CD2AP: variants seen among roughly 807,000 people sequenced by gnomAD.
The protein encoded by CD2AP is CD2 associated protein.
A neutral mutation model predicts 85.1 loss-of-function variants in CD2AP; 46 were observed. The ratio of observed to expected loss-of-function variants is 0.54; its 90% CI spans 0.43 to 0.69. The LOEUF is 0.69. Ranked by LOEUF, CD2AP falls within the 30% of genes least tolerant of loss-of-function variation. The pLI is 0.00. For missense variants in CD2AP, 769 were observed against 729.5 expected (o/e 1.05, Z -0.62); for synonymous variants, 255 against 252.9 (o/e 1.01, Z -0.08).
chr6:47,577,215 G>A, intron 8 of CD2AP, 112 bp downstream of exon 8: 1 of 677,418 alleles, frequency 1.5e-6, no homozygotes, highest in Non-Finnish European at 2.7e-6. Flanking sequence ...ATCTAGAAGA[G>A]CTGGGACTTT....
In CD2AP at chr6:47,488,448, ATAT is replaced by A. The variant is rs1165933656; in HGVS notation, c.4+10202_4+10204del. Among the ~76,000 whole-genome samples, 7 of 152,234 alleles carry A rather than the reference ATAT, an allele frequency of 4.6e-5. No homozygotes were observed. The East Asian group carries it at 9.6e-4, about 21-fold the overall frequency. ...GGAACATGTGAAATTAATTTTAATAATATTTTGAATGTATGTTGGTTTAAAGAA... is the reference window on the plus strand; with the variant it reads ...GGAACATGTGAAATTAATTTTAATAATTTGAATGTATGTTGGTTTAAAGAA... On this transcript the variant is annotated intron_variant, in intron 1 of 17. Coordinates refer to ENST00000359314, the MANE Select transcript of CD2AP (RefSeq NM_012120.3).
At chr6:47,524,895 A>G (rs373347653) in intron 2 of CD2AP, among the ~76,000 whole-genome samples, 26 of 152,288 alleles carry the variant, frequency 1.7e-4, no homozygotes, top group African/African-American at 4.6e-4. Flanking sequence ...ATTTTGATCT[A>G]TTGACACTTA....
Position 47,477,925 on chromosome 6 carries a change from C to A in CD2AP, c.-320C>A. The A allele has an allele frequency of 2.0e-6, 1 of 488,200 alleles. No homozygotes were observed. The highest frequency in any genetic ancestry group is 3.7e-6 in the Non-Finnish European group (1 of 273,148). The allele number at this position is 488,200 out of a possible 1,614,324, so 30.2% of individuals were successfully genotyped here. A position where few individuals can be genotyped will look rare whatever the true frequency, so the allele number is the denominator to read the frequency against. ...GAGGGTCTGGGCAAACCGGTGGGTC[C>A]CTCCCCACTGCGGGAGCGGCCAGGG... is the stretch of plus-strand genomic sequence containing the variant. On this transcript the variant is annotated 5_prime_UTR_variant, in exon 1 of 18. Transcript: ENST00000359314.
rs1769800733 is a variant in CD2AP at position 47,622,966 on chromosome 6, T to C, written c.1879-1220T>C. 2.0e-5 allele frequency among the ~76,000 whole-genome samples: 3 copies of C among 152,334 alleles called. No homozygotes were observed. In the South Asian group the frequency reaches 6.2e-4, roughly 32 times the overall value. On this transcript the variant is annotated intron_variant, in intron 17 of 17. Transcript: ENST00000359314. Reference sequence around the variant, plus strand: ...TAGCCTTCACACTCCCTACTCCCTCTTCTACCAATTTGTTTTTCTTACCGC... The same window carrying C: ...TAGCCTTCACACTCCCTACTCCCTCCTCTACCAATTTGTTTTTCTTACCGC...
In CD2AP at chr6:47,566,621, C is replaced by G. The variant is rs115035789; in HGVS notation, c.542-7443C>G. 4.1e-3 allele frequency among the ~76,000 whole-genome samples: 617 copies of G among 152,120 alleles called. 2 individuals are homozygous for G. The highest frequency in any genetic ancestry group is 0.014 in the African/African-American group (563 of 41,494). ...CCTCTCAATTCTCCCTTCCCCCGCT[C>G]CTCACCCCTCAACAGGTCCTGGTGT... On this transcript the variant is annotated intron_variant, in intron 5 of 17. Transcript: ENST00000359314.
chr6:47,568,655 A>G (rs996001301), intron 5 of CD2AP, among the ~76,000 whole-genome samples: 10 of 152,262 alleles, frequency 6.6e-5, no homozygotes, highest in Admixed American at 3.3e-4. Context: ...GAGGCAGGAG[A>G]TTCGCTTGAA....
intron 4 of CD2AP, among the ~76,000 whole-genome samples, chr6:47,546,137 A>G (rs900094868): frequency 1.3e-5 from 2 of 152,196 alleles, no homozygotes; most frequent in Non-Finnish European, 2.9e-5. Context: ...GAAATATTCA[A>G]TGAAATAGAT....
Position 47,564,415 on chromosome 6 carries a change from T to C in CD2AP, c.541+9649T>C, listed in dbSNP as rs1360504844. On this transcript the variant is annotated intron_variant, in intron 5 of 17. Coordinates refer to ENST00000359314, the MANE Select transcript of CD2AP (RefSeq NM_012120.3). ...GACCACCAGCACAAGAGATCTAATT[T>C]ATATTTGAATTTAGTTCATTACTTT... Among the ~76,000 whole-genome samples the C allele has an allele frequency of 2.6e-5, 4 of 152,306 alleles. No homozygotes were observed. In the East Asian group the frequency reaches 7.7e-4, roughly 29 times the overall value.
At chr6:47,615,439 C>T (rs927131841) in intron 17 of CD2AP, among the ~76,000 whole-genome samples, 4 of 152,122 alleles carry the variant, frequency 2.6e-5, no homozygotes, top group African/African-American at 9.7e-5. Flanking sequence ...AGCATGGTTC[C>T]TGCATCTGCT....
chr6:47,558,908 C>T (rs1486995381), intron 5 of CD2AP, among the ~76,000 whole-genome samples: 2 of 152,094 alleles, frequency 1.3e-5, no homozygotes, highest in African/African-American at 4.8e-5. Flanking sequence ...GTACCAGCTC[C>T]TCTTTGTACC....
intron 4 of CD2AP, among the ~76,000 whole-genome samples, chr6:47,545,955 A>G (rs577077859): frequency 3.2e-4 from 48 of 152,288 alleles, no homozygotes; most frequent in African/African-American, 1.1e-3. Flanking sequence ...GTTCTTTACC[A>G]TTCCCCAAAA....
intron 2 of CD2AP, among the ~76,000 whole-genome samples, chr6:47,515,931 C>T (rs2114000072): frequency 6.6e-6 from 1 of 151,588 alleles, no homozygotes; most frequent in East Asian, 1.9e-4. Flanking sequence ...AGATGGAATG[C>T]AAAATATGTG....
At chr6:47,614,478 G>C (rs1009556541) in intron 17 of CD2AP, among the ~76,000 whole-genome samples, 10 of 152,174 alleles carry the variant, frequency 6.6e-5, no homozygotes, top group African/African-American at 2.4e-4. Flanking sequence ...GTAGCAGTTA[G>C]AACACACATG....
intron 5 of CD2AP, among the ~76,000 whole-genome samples, chr6:47,567,801 T>C (rs1221244889): frequency 6.6e-6 from 1 of 152,068 alleles, no homozygotes; most frequent in African/African-American, 2.4e-5. Flanking sequence ...AATTATTGGG[T>C]CAGACATAAG....
At chr6:47,520,059 TG>T (rs1766544756) in intron 2 of CD2AP, among the ~76,000 whole-genome samples, 1 of 152,094 alleles carries the variant, frequency 6.6e-6, no homozygotes, top group Admixed American at 6.6e-5. Context: ...GGAACTAAAG[TG>T]TTGTGTTTAG....
intron 14 of CD2AP, 91 bp from the exon 15 acceptor site, chr6:47,607,836 C>T: frequency 1.2e-6 from 1 of 817,060 alleles, no homozygotes; most frequent in Admixed American, 2.2e-5. Flanking sequence ...GCTGAAAATC[C>T]ATAAAAGTTA....
chr6:47,498,513 C>T (rs12664637), intron 1 of CD2AP, among the ~76,000 whole-genome samples: 38,539 of 151,900 alleles, frequency 0.25, 5,722 homozygotes, highest in East Asian at 0.67. Flanking sequence ...GTTAATTCCC[C>T]GTTTTTTTCT....
At chr6:47,593,881 T>G (rs928768933) in intron 11 of CD2AP, among the ~76,000 whole-genome samples, 5 of 152,050 alleles carry the variant, frequency 3.3e-5, no homozygotes, top group African/African-American at 1.2e-4. Context: ...AGGCAAAAGG[T>G]AGAAGGAATC....
intron 8 of CD2AP, 36 bp from the exon 9 acceptor site, chr6:47,579,349 G>T (rs75176322): frequency 1.9e-5 from 14 of 750,858 alleles, no homozygotes; most frequent in South Asian, 7.0e-5. Flanking sequence ...AAAAAAAAAA[G>T]GTCTATTGTC....
Sources: allele counts gnomAD v4.1 joint callset (sites outside exome capture counted in the v4.1 genomes callset), GRCh38; gene constraint gnomAD v4.1.1; transcripts MANE v1.5; gene names NCBI Gene and HGNC (gene_info 2026-07-23, HGNC 2026-07-21).